The following MAP2K2 variants were observed in gnomAD, a reference collection of about 807,000 sequenced individuals.
MAP2K2 encodes dual specificity mitogen-activated protein kinase kinase 2.
In MAP2K2, 24 loss-of-function variants were observed where a neutral mutation model predicts 43.7. The ratio of observed to expected loss-of-function variants is 0.55; its 90% CI spans 0.40 to 0.77. The LOEUF (loss-of-function observed/expected upper bound fraction) is 0.77, where lower values mean the gene tolerates loss of function less well. Among genes scored for constraint, MAP2K2 ranks in the 30% least tolerant of loss-of-function variants. The pLI is 0.00. For missense variants in MAP2K2, 470 were observed against 566.8 expected (o/e 0.83, Z 1.73); for synonymous variants, 244 against 239.7 (o/e 1.02, Z -0.17).
intron 8 of MAP2K2, among the ~76,000 whole-genome samples, chr19:4,096,554 A>G (rs1375265401): frequency 6.6e-6 from 1 of 152,148 alleles, no homozygotes; most frequent in African/African-American, 2.4e-5. Context: ...GGGCGGTGGA[A>G]ACCCTCATAC....
intron 6 of MAP2K2, chr19:4,100,775 G>C (rs369312805): frequency 2.1e-4 from 123 of 580,466 alleles, no homozygotes; most frequent in African/African-American, 2.0e-3. Context: ...GAAGGGGAGG[G>C]TGCAGCTGGG....
chr19:4,108,084 C>G (rs1416158339), intron 3 of MAP2K2, among the ~76,000 whole-genome samples: 1 of 152,186 alleles, frequency 6.6e-6, no homozygotes, highest in African/African-American at 2.4e-5. Context: ...CCTATGGGCA[C>G]TCAGGTGAAT....
intron 2 of MAP2K2, among the ~76,000 whole-genome samples, chr19:4,111,999 A>C (rs532552380): frequency 5.9e-5 from 9 of 151,266 alleles, no homozygotes; most frequent in Non-Finnish European, 1.3e-4. Flanking sequence ...ACAACAACAA[A>C]AACACCACGG....
Position 4,097,359 on chromosome 19 carries a change from G to C in MAP2K2, c.920-16C>G, listed in dbSNP as rs573053900. The stretch of plus-strand genomic sequence containing the variant: ...ATCCCGTGACCTGCACAGGGAGAGA[G>C]ATGGAGGTGAGATGGGCCGATGGCC... On this transcript the variant is annotated splice_polypyrimidine_tract_variant and intron_variant, in intron 7 of 10. Coordinates refer to ENST00000262948, the MANE Select transcript of MAP2K2 (RefSeq NM_030662.4). 2.4e-5 allele frequency: 39 copies of C among 1,608,476 alleles called. No individual in the cohort carries two copies. In the South Asian group the frequency reaches 4.1e-4, roughly 17 times the overall value.
intron 7 of MAP2K2, among the ~76,000 whole-genome samples, chr19:4,097,865 AGGTG>A (rs1180936782): frequency 8.4e-6 from 1 of 119,034 alleles, no homozygotes; most frequent in African/African-American, 2.7e-5. Context: ...TGAAATGGGC[AGGTG>A]GGCTGGGGCC....
chr19:4,092,057 T>C (rs2040859828), intron 10 of MAP2K2, among the ~76,000 whole-genome samples: 1 of 152,154 alleles, frequency 6.6e-6, no homozygotes, highest in African/African-American at 2.4e-5. Flanking sequence ...GCGGGTGCCC[T>C]TGGGGAAGAG....
At chr19:4,102,941 G>T in intron 3 of MAP2K2, 1 of 1,113,106 alleles carries the variant, frequency 9.0e-7, no homozygotes, top group South Asian at 2.2e-5. Flanking sequence ...CGCGGGTGCT[G>T]CCCCGCGTGG....
At chr19:4,119,590 T>G (rs61519523) in intron 1 of MAP2K2, among the ~76,000 whole-genome samples, 5,701 of 152,300 alleles carry the variant, frequency 0.037, 359 homozygotes, top group African/African-American at 0.13. Flanking sequence ...GTACAACCAG[T>G]ATGAAAAATG....
chr19:4,107,516 T>C (rs1599297039), intron 3 of MAP2K2, among the ~76,000 whole-genome samples: 2 of 93,330 alleles, frequency 2.1e-5, no homozygotes, highest in Admixed American at 1.5e-4. Flanking sequence ...AGAGCTAGAC[T>C]CCGTCTCAAA....
At chr19:4,093,395 T>G (rs2040873322) in intron 10 of MAP2K2, among the ~76,000 whole-genome samples, 1 of 151,574 alleles carries the variant, frequency 6.6e-6, no homozygotes, top group Non-Finnish European at 1.5e-5. Flanking sequence ...AGGCTGTATC[T>G]CAAAAATTTT....
rs1037950431 is a variant in MAP2K2, at chr19:4,110,589, C to T, written c.370G>A (p.Glu124Lys). ...CCCACGATGTACGGCGAGTTGCATTCGTGCAGGACCTGCAGCTCGCGGATG... is the reference window on the plus strand; with the variant it reads ...CCCACGATGTACGGCGAGTTGCATTTGTGCAGGACCTGCAGCTCGCGGATG... Reference protein sequence around the residue: ...QIIRELQVLHECNSPYIVGFY... With the variant: ...QIIRELQVLHKCNSPYIVGFY... Residue 124 changes from glutamate (E) to lysine (K), a missense_variant, in exon 3 of 11, where the codon GAA becomes AAA. Transcript: ENST00000262948. 25 of 1,613,908 alleles carry T rather than the reference C, an allele frequency of 1.5e-5. No individual in the cohort carries two copies. Among genetic ancestry groups the T allele is most frequent in the Non-Finnish European group, 2.0e-5 (24 of 1,180,050 alleles).
intron 7 of MAP2K2, among the ~76,000 whole-genome samples, chr19:4,098,064 G>A (rs1461347793): frequency 6.6e-6 from 1 of 152,216 alleles, no homozygotes; most frequent in Non-Finnish European, 1.5e-5. Context: ...CAATCCATCC[G>A]GGTAGGACCA....
At chr19:4,123,674 C>T (rs1171580136) in intron 1 of MAP2K2, 110 bp downstream of exon 1, 4 of 602,016 alleles carry the variant, frequency 6.6e-6, no homozygotes, top group Non-Finnish European at 1.0e-5. Context: ...TCCCCCGTGA[C>T]CCCCCTGCCT....
rs374098881 is a variant in MAP2K2 at position 4,101,190 on chromosome 19, C to A, written c.580+39G>T. On this transcript the variant is annotated intron_variant, in intron 5 of 10. Coordinates refer to ENST00000262948, the MANE Select transcript of MAP2K2 (RefSeq NM_030662.4). The surrounding 1 kb of genome is among the most constrained non-coding windows in gnomAD (Gnocchi z 6.3). ...TGAGGGGCGCCCAACAGTTGCCTGC[C>A]GGCCCCCGGGGCTCTGGGGAGGGCG... is the stretch of plus-strand genomic sequence containing the variant. 1.3e-4 allele frequency: 183 copies of A among 1,445,074 alleles called. No homozygotes were observed. In the African/African-American group the frequency reaches 2.4e-3, roughly 19 times the overall value. 89.5% of individuals were successfully genotyped at this position (1,445,074 alleles called of 1,614,324 possible).
chr19:4,102,260 T>C, intron 4 of MAP2K2, 116 bp downstream of exon 4: 5 of 899,648 alleles, frequency 5.6e-6, no homozygotes, highest in African/African-American at 1.6e-5. Context: ...ACTCTCTTTC[T>C]GCAGGGGCCA....
chr19:4,109,535 C>A (rs1315422136), intron 3 of MAP2K2, among the ~76,000 whole-genome samples: 1 of 152,174 alleles, frequency 6.6e-6, no homozygotes, highest in African/African-American at 2.4e-5. Flanking sequence ...ACCTCCTGGG[C>A]TCAAGTGATC....
intron 2 of MAP2K2, 92 bp downstream of exon 2, chr19:4,117,327 T>C (rs2041233948): frequency 8.4e-7 from 1 of 1,195,670 alleles, no homozygotes; most frequent in African/African-American, 1.6e-5. Context: ...CTAATCAGAA[T>C]GCAGAGACCC....
In MAP2K2 at chr19:4,101,288, G is replaced by A; in HGVS notation, c.529-8C>T. 1.3e-6 allele frequency: 2 copies of A among 1,575,348 alleles called. No individual in the cohort carries two copies. The highest frequency in any genetic ancestry group is 1.7e-6 in the Non-Finnish European group (2 of 1,160,988). ...CGCCAAGCCCCGGAGAACCTGCAGG[G>A]GAGCGCGGAGGGAGTCACGGGACAA... On this transcript the variant is annotated splice_polypyrimidine_tract_variant and splice_region_variant and intron_variant, in intron 4 of 10. Transcript: ENST00000262948. The surrounding 1 kb of genome is among the most constrained non-coding windows in gnomAD (Gnocchi z 6.3).
chr19:4,120,106 C>A (rs1476427117), intron 1 of MAP2K2, among the ~76,000 whole-genome samples: 2 of 152,186 alleles, frequency 1.3e-5, no homozygotes, highest in African/African-American at 4.8e-5. Context: ...GGTGGGGGAA[C>A]CTGCCCGAGG....
Sources: allele counts gnomAD v4.1 joint callset (sites outside exome capture counted in the v4.1 genomes callset), GRCh38; gene constraint gnomAD v4.1.1; non-coding constraint Gnocchi (gnomAD v3.1); transcripts MANE v1.5; gene names NCBI Gene and HGNC (gene_info 2026-07-23, HGNC 2026-07-21).